Variants in FUT8 observed in about 807,000 individuals in gnomAD.
FUT8 encodes the protein alpha-(1,6)-fucosyltransferase.
FUT8 carries 29 observed loss-of-function variants against 71.3 expected under a neutral mutation model. The observed-to-expected ratio is 0.41, with a 90% CI of 0.30 to 0.55. The LOEUF is 0.55. Among genes scored for constraint, FUT8 ranks in the 20% least tolerant of loss-of-function variants. The pLI is 0.34. For synonymous variants in FUT8, 254 were observed against 239.3 expected (o/e 1.06, Z -0.57); for missense variants, 544 against 702.1 (o/e 0.77, Z 2.55).
chr14:65,611,301 A>ACC lies in FUT8; in HGVS notation c.204-4672_204-4671dup, dbSNP rs145798842. ...CACACACACACACACACACACACACACCCCCCAAGTAATAGCCTTGATTTT... is the reference window on the plus strand; with the variant it reads ...CACACACACACACACACACACACACACCCCCCCCAAGTAATAGCCTTGATTTT... On this transcript the variant is annotated intron_variant, in intron 3 of 10. Transcript: ENST00000673929. Among the ~76,000 whole-genome samples the ACC allele has an allele frequency of 1.8e-4, 7 of 38,626 alleles. 2 individuals carry two copies. Among genetic ancestry groups the ACC allele is most frequent in the African/African-American group, 8.2e-4 (6 of 7,314 alleles). The allele number at this position is 38,626 out of a possible 152,430, so 25.3% of individuals were successfully genotyped here.
chr14:65,392,494 C>T, the FUT8 span, among the ~76,000 whole-genome samples: 1 of 152,138 alleles, frequency 6.6e-6, no homozygotes, highest in Non-Finnish European at 1.5e-5. Flanking sequence ...ATTTCTGGTG[C>T]TGTTGCCGGT....
rs142423115 is a variant in FUT8 at position 65,461,141 on chromosome 14, G to A, written c.-228+5423G>A. The stretch of plus-strand genomic sequence containing the variant: ...GTGTTGGCAGGGCCACACTCTCTCC[G>A]AAGGCTCTAGGTAAGAATCCTTTCC... On this transcript the variant is annotated intron_variant, in intron 2 of 10. Transcript: ENST00000673929. Among the ~76,000 whole-genome samples, 6 of 152,284 alleles carry A rather than the reference G, an allele frequency of 3.9e-5. No individual in the cohort carries two copies. In the East Asian group the frequency reaches 5.8e-4, roughly 15 times the overall value.
At chr14:65,464,261 T>G (rs934044746) in intron 2 of FUT8, among the ~76,000 whole-genome samples, 2 of 147,548 alleles carry the variant, frequency 1.4e-5, no homozygotes, top group Non-Finnish European at 3.0e-5. Context: ...TACTTTGGGT[T>G]TTTTTTTTTT....
At chr14:65,593,798 A>C (rs528485123) in intron 3 of FUT8, among the ~76,000 whole-genome samples, 1 of 152,056 alleles carries the variant, frequency 6.6e-6, no homozygotes, top group African/African-American at 2.4e-5. Context: ...CTGGTCTTGA[A>C]CTCCCAACCT....
chr14:65,562,829 G>A lies in FUT8; in HGVS notation c.203+1063G>A, dbSNP rs557048625. On this transcript the variant is annotated intron_variant, in intron 3 of 10. Coordinates refer to ENST00000673929, the MANE Select transcript of FUT8 (RefSeq NM_001371533.1). ...AAGAATAGTGGGACAGAGCTGTTAC[G>A]GAAACTGAGGAACATTCTGTGAAGG... Among the ~76,000 whole-genome samples, 22 of 152,110 alleles carry A rather than the reference G, an allele frequency of 1.4e-4. No homozygotes were observed. The South Asian group carries it at 4.2e-3, about 29-fold the overall frequency.
chr14:65,675,617 A>C (rs1421540874), intron 7 of FUT8, among the ~76,000 whole-genome samples: 2 of 152,172 alleles, frequency 1.3e-5, no homozygotes, highest in Non-Finnish European at 2.9e-5. Flanking sequence ...ATATGGGAGC[A>C]AAGCAGCAAG....
chr14:65,463,686 T>C (rs1298646504), intron 2 of FUT8, among the ~76,000 whole-genome samples: 1 of 152,224 alleles, frequency 6.6e-6, no homozygotes, highest in Non-Finnish European at 1.5e-5. Flanking sequence ...TCTTCATTCC[T>C]GGGGCCATGG....
intron 2 of FUT8, among the ~76,000 whole-genome samples, chr14:65,559,959 A>G (rs936144662): frequency 3.9e-5 from 6 of 152,182 alleles, no homozygotes; most frequent in Admixed American, 3.3e-4. Context: ...CAGCAAGTAC[A>G]ATTCTTTTCA....
At chr14:65,537,531 G>A (rs1002541422) in intron 2 of FUT8, among the ~76,000 whole-genome samples, 1 of 152,048 alleles carries the variant, frequency 6.6e-6, no homozygotes, top group Non-Finnish European at 1.5e-5. Context: ...GGGACTACAG[G>A]CACCTGCCAC....
chr14:65,664,288 T>C (rs1469150581), intron 6 of FUT8, among the ~76,000 whole-genome samples: 1 of 152,130 alleles, frequency 6.6e-6, no homozygotes, highest in Non-Finnish European at 1.5e-5. Context: ...TATATAATAT[T>C]GTACAGAAAT....
intron 3 of FUT8, among the ~76,000 whole-genome samples, chr14:65,606,829 A>G (rs755423496): frequency 1.7e-4 from 26 of 151,890 alleles, no homozygotes; most frequent in Admixed American, 5.9e-4. Context: ...TAATTAAAAA[A>G]TCCTTTTGGA....
the FUT8 span, among the ~76,000 whole-genome samples, chr14:65,385,151 G>A: frequency 0.018 from 2,690 of 151,738 alleles, 80 homozygotes; most frequent in African/African-American, 0.062. Context: ...CACCTGCCTC[G>A]GTCTCCCAAA....
At chr14:65,442,427 C>G (rs2065674834) in intron 1 of FUT8, among the ~76,000 whole-genome samples, 1 of 151,870 alleles carries the variant, frequency 6.6e-6, no homozygotes, top group Non-Finnish European at 1.5e-5. Context: ...GCTTCAGCCT[C>G]CCAAAGTGCT....
At chr14:65,614,077 G>A (rs1311210378) in intron 3 of FUT8, among the ~76,000 whole-genome samples, 3 of 144,910 alleles carry the variant, frequency 2.1e-5, no homozygotes, top group African/African-American at 7.7e-5. Context: ...TCCCATCACT[G>A]TACTCCAGCC....
chr14:65,579,501 T>C (rs1886963158), intron 3 of FUT8, among the ~76,000 whole-genome samples: 1 of 152,168 alleles, frequency 6.6e-6, no homozygotes, highest in Admixed American at 6.5e-5. Context: ...GATAGGTTAG[T>C]GTCTTATAAA....
chr14:65,439,954 GTATATATA>G (rs60534547), intron 1 of FUT8, among the ~76,000 whole-genome samples: 3,221 of 74,990 alleles, frequency 0.043, 236 homozygotes, highest in South Asian at 0.076. Context: ...GTGTGTGTGT[GTATATATA>G]TATATATATA....
chr14:65,565,481 A>C (rs555622548), intron 3 of FUT8, among the ~76,000 whole-genome samples: 1 of 151,884 alleles, frequency 6.6e-6, no homozygotes, highest in East Asian at 1.9e-4. Flanking sequence ...TGTTTCATAA[A>C]CTTTTGTATG....
chr14:65,452,622 T>C (rs1025099171), intron 1 of FUT8, among the ~76,000 whole-genome samples: 6 of 152,194 alleles, frequency 3.9e-5, no homozygotes, highest in Non-Finnish European at 7.3e-5. Context: ...CACAGATCTG[T>C]AGAAATTGCT....
At chr14:65,573,363 A>G (rs1886589118) in intron 3 of FUT8, among the ~76,000 whole-genome samples, 1 of 152,080 alleles carries the variant, frequency 6.6e-6, no homozygotes, top group Non-Finnish European at 1.5e-5. Context: ...TACCAAAATC[A>G]CCACCAAGAA....
Sources: gnomAD v4.1 joint callset for allele counts (sites outside exome capture counted in the v4.1 genomes callset) on GRCh38, gnomAD v4.1.1 for gene constraint, MANE v1.5 for transcripts, NCBI Gene and HGNC (gene_info 2026-07-23, HGNC 2026-07-21) for gene names.